LRRC4C: variants seen among roughly 807,000 people sequenced by gnomAD.
The protein encoded by LRRC4C is leucine-rich repeat-containing protein 4C.
In LRRC4C, 5 loss-of-function variants were observed where a neutral mutation model predicts 33.6. That is an observed-to-expected ratio of 0.15 (90% CI 0.08 to 0.31). The LOEUF (loss-of-function observed/expected upper bound fraction) is 0.31. Ranked by LOEUF, LRRC4C falls within the 10% of genes least tolerant of loss-of-function variation. The probability of loss-of-function intolerance (pLI) is 1.00; values close to 1 mark genes in which losing one functional copy is unlikely to be tolerated. For missense variants in LRRC4C, 560 were observed against 796.7 expected (o/e 0.70, Z 3.58); for synonymous variants, 329 against 302.0 (o/e 1.09, Z -0.93).
intron 2 of LRRC4C, among the ~76,000 whole-genome samples, chr11:40,697,091 G>T (rs1945603334): frequency 6.6e-6 from 1 of 151,960 alleles, no homozygotes; most frequent in South Asian, 2.1e-4. Context: ...TGGGAAATAG[G>T]CTGAAATCTC....
intron 1 of LRRC4C, among the ~76,000 whole-genome samples, chr11:40,938,112 T>C (rs1957985543): frequency 6.6e-6 from 1 of 152,160 alleles, no homozygotes; most frequent in Non-Finnish European, 1.5e-5. Context: ...TTAAAAAGCA[T>C]CACTTAAGAA....
At chr11:41,329,210 C>T (rs1488939605) in intron 1 of LRRC4C, among the ~76,000 whole-genome samples, 3 of 152,164 alleles carry the variant, frequency 2.0e-5, no homozygotes, top group Admixed American at 6.5e-5. Flanking sequence ...CCCTAACTGG[C>T]TCTGTGACTC....
At chr11:40,900,974 G>T (rs1240056219) in intron 2 of LRRC4C, among the ~76,000 whole-genome samples, 1 of 151,986 alleles carries the variant, frequency 6.6e-6, no homozygotes. Context: ...GGGATGGTAT[G>T]GTATTTGAAG....
intron 4 of LRRC4C, among the ~76,000 whole-genome samples, chr11:40,302,409 G>T (rs1222673953): frequency 6.6e-6 from 1 of 152,048 alleles, no homozygotes; most frequent in Non-Finnish European, 1.5e-5. Context: ...CCATTAAAAA[G>T]GCCACAGGGA....
intron 3 of LRRC4C, among the ~76,000 whole-genome samples, chr11:40,497,390 G>A (rs1954518993): frequency 6.6e-6 from 1 of 150,518 alleles, no homozygotes; most frequent in African/African-American, 2.4e-5. Context: ...GGCAACAAAA[G>A]TAAAATTCCA....
At chr11:40,847,706 A>G (rs769810162) in intron 2 of LRRC4C, among the ~76,000 whole-genome samples, 18 of 151,692 alleles carry the variant, frequency 1.2e-4, no homozygotes, top group Admixed American at 2.6e-4. Flanking sequence ...TGTTGGAAAT[A>G]GTCTCAGAAG....
intron 1 of LRRC4C, among the ~76,000 whole-genome samples, chr11:41,221,569 T>G (rs1242518905): frequency 2.0e-5 from 3 of 152,198 alleles, no homozygotes; most frequent in African/African-American, 7.2e-5. Context: ...CAAAGGAGTA[T>G]AAATCATTCT....
intron 3 of LRRC4C, among the ~76,000 whole-genome samples, chr11:40,579,501 T>A (rs906089472): frequency 6.6e-6 from 1 of 152,218 alleles, no homozygotes; most frequent in Non-Finnish European, 1.5e-5. Context: ...GGTATAATTA[T>A]ATACTATAAA....
At chr11:41,354,470 C>T (rs1404802669) in intron 1 of LRRC4C, among the ~76,000 whole-genome samples, 8 of 151,900 alleles carry the variant, frequency 5.3e-5, no homozygotes, top group African/African-American at 1.7e-4. Flanking sequence ...AGATTCAATG[C>T]TATTCCTATA....
intron 1 of LRRC4C, among the ~76,000 whole-genome samples, chr11:41,236,786 TG>T (rs755459092): frequency 1.1e-4 from 16 of 152,202 alleles, no homozygotes; most frequent in Non-Finnish European, 2.1e-4. Flanking sequence ...TCTAGTGGTA[TG>T]ACCTGATTTA....
At chr11:41,291,523 A>G (rs894921975) in intron 1 of LRRC4C, among the ~76,000 whole-genome samples, 1 of 152,160 alleles carries the variant, frequency 6.6e-6, no homozygotes, top group East Asian at 1.9e-4. Flanking sequence ...AAAGAGATAC[A>G]CATTTATTTG....
chr11:40,948,954 CA>C (rs1308936565), intron 1 of LRRC4C, among the ~76,000 whole-genome samples: 1 of 152,090 alleles, frequency 6.6e-6, no homozygotes, highest in Admixed American at 6.6e-5. Flanking sequence ...CTGACTTCCA[CA>C]ATGGTTGAAC....
chr11:40,114,903 G>C lies in LRRC4C; in HGVS notation c.1390C>G (p.Pro464Ala), dbSNP rs1353042997. 2 of 1,614,202 alleles carry C rather than the reference G, an allele frequency of 1.2e-6. No individual in the cohort carries two copies. Among genetic ancestry groups the C allele is most frequent in the East Asian group, 4.5e-5 (2 of 44,878 alleles). Residue 464 changes from proline to alanine, a missense_variant, in exon 7 of 7, where the codon CCG becomes GCG. Pro to Ala is a conservative substitution (Grantham distance 27, BLOSUM62 -1). Around this residue, in one of 3 missense-constraint regions of LRRC4C, gnomAD observed 455 missense variants for 643.8 expected, o/e 0.71. Transcript: ENST00000528697. ...FSTVTVETME[P>A]SQDEARTTDN... is the part of the protein sequence containing the mutation. ...GTGGTCCGTGCCTCATCCTGAGACG[G>C]TTCCATAGTCTCTACTGTGACGGTT...
chr11:41,251,613 G>C (rs2136646839), intron 1 of LRRC4C, among the ~76,000 whole-genome samples: 1 of 152,286 alleles, frequency 6.6e-6, no homozygotes, highest in Middle Eastern at 3.4e-3. Context: ...ACATTTTGTA[G>C]GGAGCAATTA....
chr11:40,813,501 G>A (rs1951579299), intron 2 of LRRC4C, among the ~76,000 whole-genome samples: 1 of 152,076 alleles, frequency 6.6e-6, no homozygotes, highest in Admixed American at 6.6e-5. Flanking sequence ...GACATGTGGG[G>A]ATTATTACAA....
At chr11:40,924,979 T>A (rs1315143066) in intron 2 of LRRC4C, among the ~76,000 whole-genome samples, 2 of 152,162 alleles carry the variant, frequency 1.3e-5, no homozygotes, top group Non-Finnish European at 2.9e-5. Flanking sequence ...AAAATTTGAC[T>A]TTTTATTTGT....
chr11:40,688,891 C>G (rs1411727934), intron 2 of LRRC4C, among the ~76,000 whole-genome samples: 1 of 151,980 alleles, frequency 6.6e-6, no homozygotes, highest in Non-Finnish European at 1.5e-5. Context: ...ATTTTCAGGG[C>G]TGGGGCATGC....
chr11:41,271,866 T>C (rs905052265), intron 1 of LRRC4C, among the ~76,000 whole-genome samples: 1 of 152,174 alleles, frequency 6.6e-6, no homozygotes, highest in Non-Finnish European at 1.5e-5. Context: ...GAATGAATGC[T>C]AATTGTTAAA....
chr11:40,536,495 A>G (rs1343499143), intron 3 of LRRC4C, among the ~76,000 whole-genome samples: 1 of 149,130 alleles, frequency 6.7e-6, no homozygotes. Flanking sequence ...CCCGGCCCCA[A>G]ACAGTCTGTT....
Sources: allele counts gnomAD v4.1 joint callset (sites outside exome capture counted in the v4.1 genomes callset), GRCh38; gene constraint gnomAD v4.1.1; regional missense constraint gnomAD v4.1.1; transcripts MANE v1.5; gene names NCBI Gene and HGNC (gene_info 2026-07-23, HGNC 2026-07-21).